The following MYO18B variants were observed in gnomAD, a reference collection of about 807,000 sequenced individuals.
MYO18B encodes myosin XVIIIB, also known as unconventional myosin-XVIIIb.
In MYO18B, 204 loss-of-function variants were observed where a neutral mutation model predicts 273.0. The ratio of observed to expected loss-of-function variants is 0.75; its 90% confidence interval spans 0.67 to 0.84. MYO18B has a LOEUF of 0.84. Among genes scored for constraint, MYO18B ranks in the 40% least tolerant of loss-of-function variants. The probability of loss-of-function intolerance (pLI) is 0.00; values close to 1 mark genes in which losing one functional copy is unlikely to be tolerated. For missense variants in MYO18B, 3,212 were observed against 3,287.6 expected, an observed-to-expected ratio of 0.98 and a Z score of 0.56; for synonymous variants, 1,330 against 1,305.7, an observed-to-expected ratio of 1.02 and a Z score of -0.40.
intron 1 of MYO18B, among the ~76,000 whole-genome samples, chr22:25,744,401 A>C (rs1436204992): frequency 2.0e-5 from 3 of 152,158 alleles, no homozygotes; most frequent in Non-Finnish European, 4.4e-5. Flanking sequence ...TTTGAAGCAC[A>C]TGGTCAGCTG....
At chr22:25,791,308 C>T (rs556585232) in intron 11 of MYO18B, among the ~76,000 whole-genome samples, 1 of 152,354 alleles carries the variant, frequency 6.6e-6, no homozygotes, top group Admixed American at 6.5e-5. Context: ...GGCCAGTGTT[C>T]TGGCTACACT....
the MYO18B span, among the ~76,000 whole-genome samples, chr22:26,048,893 A>C: frequency 6.6e-6 from 1 of 152,118 alleles, no homozygotes; most frequent in Non-Finnish European, 1.5e-5. Flanking sequence ...GGTTGAACCA[A>C]TTTACACTCC....
chr22:25,851,638 G>A, intron 21 of MYO18B, 59 bp downstream of exon 21: 1 of 1,300,572 alleles, frequency 7.7e-7, no homozygotes, highest in South Asian at 1.3e-5. Flanking sequence ...TTGGTTATTG[G>A]ACATGTTCCA....
intron 12 of MYO18B, among the ~76,000 whole-genome samples, chr22:25,822,321 G>GA (rs1385766792): frequency 6.6e-6 from 1 of 152,096 alleles, no homozygotes; most frequent in Non-Finnish European, 1.5e-5. Flanking sequence ...AACCCACTTT[G>GA]ACCACCATAG....
At chr22:25,986,596 C>A (rs904805828) in intron 39 of MYO18B, among the ~76,000 whole-genome samples, 1 of 152,112 alleles carries the variant, frequency 6.6e-6, no homozygotes, top group African/African-American at 2.4e-5. Context: ...TTATTTAACA[C>A]GTATTTATTA....
In MYO18B at chr22:25,827,605, C is replaced by T. The variant is rs919079790; in HGVS notation, c.2786+1106C>T. ...AATCCTGTTAAAGGGATGAGGCTGGCGCGTAGCAACAGAGCAGCCGGGTTT... is the reference window on the plus strand; with the variant it reads ...AATCCTGTTAAAGGGATGAGGCTGGTGCGTAGCAACAGAGCAGCCGGGTTT... On this transcript the variant is annotated intron_variant, in intron 14 of 43. Transcript: ENST00000335473. 3.9e-5 allele frequency among the ~76,000 whole-genome samples: 6 copies of T among 152,164 alleles called. No individual in the cohort carries two copies. The East Asian group carries it at 9.6e-4, about 24-fold the overall frequency.
rs116368683 is a variant in MYO18B at position 25,758,400 on chromosome 22, C to T, written c.-109-2584C>T. The stretch of plus-strand genomic sequence containing the variant: ...CAGAAGAACCTATGTGACTTTGTAG[C>T]GACATTATTCGTAGTGCCCCTAAAG... On this transcript the variant is annotated intron_variant, in intron 1 of 43. Transcript: ENST00000335473. 9.8e-3 allele frequency among the ~76,000 whole-genome samples: 1,466 copies of T among 149,700 alleles called. 23 individuals carry two copies. The highest frequency in any genetic ancestry group is 0.033 in the African/African-American group (1,353 of 40,526).
At chr22:25,921,719 T>TGTGG (rs2146445943) in intron 34 of MYO18B, among the ~76,000 whole-genome samples, 1 of 59,640 alleles carries the variant, frequency 1.7e-5, no homozygotes, top group African/African-American at 3.6e-5. Context: ...TGTGTGTGTG[T>TGTGG]GTGTGTGTGT....
At chr22:25,817,440 T>C (rs1309355216) in intron 12 of MYO18B, among the ~76,000 whole-genome samples, 4 of 139,200 alleles carry the variant, frequency 2.9e-5, no homozygotes, top group African/African-American at 5.2e-5. Flanking sequence ...TTCCTTTCCC[T>C]TTCTCTTTCC....
At chr22:25,745,910 A>C (rs2085765885) in intron 1 of MYO18B, among the ~76,000 whole-genome samples, 1 of 152,112 alleles carries the variant, frequency 6.6e-6, no homozygotes, top group African/African-American at 2.4e-5. Context: ...GATGGGATTA[A>C]ATGTCTCATT....
At chr22:25,948,880 G>A (rs942125990) in intron 36 of MYO18B, among the ~76,000 whole-genome samples, 4 of 152,012 alleles carry the variant, frequency 2.6e-5, no homozygotes, top group Admixed American at 6.6e-5. Context: ...GGTGTCATTT[G>A]GATGGAGATC....
chr22:26,012,182 G>A (rs188918693), intron 42 of MYO18B, among the ~76,000 whole-genome samples: 1 of 152,136 alleles, frequency 6.6e-6, no homozygotes, highest in Non-Finnish European at 1.5e-5. Flanking sequence ...GCCAAAGATG[G>A]GTCATGTGAG....
At chr22:25,920,398 G>A (rs941230968) in intron 33 of MYO18B, among the ~76,000 whole-genome samples, 4 of 152,200 alleles carry the variant, frequency 2.6e-5, no homozygotes, top group African/African-American at 9.7e-5. Context: ...GGGCCCTGGT[G>A]TAATTCTGCA....
Position 25,768,673 on chromosome 22 carries a change from C to A in MYO18B, c.757C>A (p.Leu253Met). 6.5e-7 allele frequency: 1 copy of A among 1,545,954 alleles called. No individual in the cohort carries two copies. ...KGLGTPKTTE[L>M]KEAEPQGKDR... ...GCTTGGGACCCCCAAGACCACAGAG[C>A]TGAAAGAGGCTGAGCCCCAGGGCAA... The change falls in exon 4 of 44, where the codon CTG (leucine) becomes ATG (methionine). Residue 253 changes from leucine to methionine, a missense_variant. Coordinates refer to ENST00000335473, the MANE Select transcript of MYO18B (RefSeq NM_032608.7).
At chr22:25,959,537 A>G (rs1295384152) in intron 39 of MYO18B, among the ~76,000 whole-genome samples, 1 of 152,030 alleles carries the variant, frequency 6.6e-6, no homozygotes. Flanking sequence ...CAGCCTCCCA[A>G]AGTGCTAGGA....
chr22:25,855,094 C>T (rs778839264), intron 21 of MYO18B, among the ~76,000 whole-genome samples: 17 of 152,072 alleles, frequency 1.1e-4, no homozygotes, highest in Non-Finnish European at 2.4e-4. Flanking sequence ...GATTCTCTCC[C>T]TCCTCCCATC....
chr22:25,872,933 C>A (rs2091087916), intron 22 of MYO18B, among the ~76,000 whole-genome samples: 1 of 152,136 alleles, frequency 6.6e-6, no homozygotes, highest in East Asian at 1.9e-4. Flanking sequence ...TAGAAATAAG[C>A]AGCATAAGGG....
chr22:25,811,632 CAT>C (rs1338203216), intron 12 of MYO18B, among the ~76,000 whole-genome samples: 3 of 152,194 alleles, frequency 2.0e-5, no homozygotes, highest in Non-Finnish European at 4.4e-5. Flanking sequence ...GCTTTTTTCA[CAT>C]GTCATATCTT....
intron 39 of MYO18B, among the ~76,000 whole-genome samples, chr22:25,979,798 C>T (rs1031760302): frequency 6.6e-6 from 1 of 152,134 alleles, no homozygotes; most frequent in Non-Finnish European, 1.5e-5. Context: ...TCCTCCCTTT[C>T]CCTTCCCCTT....
Sources: gnomAD v4.1 joint callset for allele counts (sites outside exome capture counted in the v4.1 genomes callset) on GRCh38, gnomAD v4.1.1 for gene constraint, MANE v1.5 for transcripts, NCBI Gene and HGNC (gene_info 2026-07-23, HGNC 2026-07-21) for gene names.